Variants in USP8 observed in about 807,000 individuals in gnomAD.
USP8 encodes the protein ubiquitin specific peptidase 8.
In USP8, 27 loss-of-function variants were observed where a neutral mutation model predicts 130.0. The observed-to-expected ratio is 0.21, with a 90% CI of 0.15 to 0.29. The LOEUF is 0.29. USP8 is among the 10% of genes least tolerant of loss of function. The pLI, the probability that USP8 is intolerant of heterozygous loss-of-function variation, is 1.00. For missense variants in USP8, 1,029 were observed against 1,312.2 expected (o/e 0.78, Z 3.33); for synonymous variants, 392 against 444.1 (o/e 0.88, Z 1.48).
intron 3 of USP8, among the ~76,000 whole-genome samples, chr15:50,443,964 C>T (rs2050339371): frequency 6.6e-6 from 1 of 152,052 alleles, no homozygotes; most frequent in South Asian, 2.1e-4. Flanking sequence ...TTTGCACGCT[C>T]TGTGAAATAT....
At chr15:50,438,967 G>T in intron 1 of USP8, 42 bp from the exon 2 acceptor site, 1 of 811,276 alleles carries the variant, frequency 1.2e-6, no homozygotes, top group Non-Finnish European at 1.9e-6. Flanking sequence ...TTGTTTTATT[G>T]TGAATGAGGA....
In USP8 at chr15:50,508,060, ACT is replaced by A. The variant is rs1321248180; in HGVS notation, c.*8975_*8976del. On this transcript the variant is annotated 3_prime_UTR_variant, in exon 20 of 20. Coordinates refer to ENST00000307179, the MANE Select transcript of USP8 (RefSeq NM_005154.5). ...ACTCTAGCCCGGGCGACAGTGCAAG[ACT>A]CTGTCTCAAAAAAAAAAAAAAAAAA... 7.6e-5 allele frequency: 10 copies of A among 131,606 alleles called. No individual in the cohort carries two copies. The highest frequency in any genetic ancestry group is 1.2e-4 in the African/African-American group (4 of 32,974). The allele number at this position is 131,606 out of a possible 1,614,324, so 8.2% of individuals were successfully genotyped here.
intron 7 of USP8, among the ~76,000 whole-genome samples, chr15:50,471,008 A>G (rs1309363143): frequency 1.3e-5 from 2 of 152,328 alleles, no homozygotes; most frequent in East Asian, 3.9e-4. Context: ...AAGAACATGT[A>G]CATGAGCCAG....
chr15:50,445,305 G>A (rs1413620488), intron 3 of USP8, among the ~76,000 whole-genome samples: 1 of 151,590 alleles, frequency 6.6e-6, no homozygotes, highest in Admixed American at 6.6e-5. Flanking sequence ...CAGCACTTTG[G>A]GAGGCTGAGG....
rs1596004571 is a variant in USP8, at chr15:50,506,821, G to A, written c.*7733G>A. The stretch of plus-strand genomic sequence containing the variant: ...AAAATACAAAAAATTAGCCGGGCAT[G>A]GTGGCAGGCGCCTATAGTCCCAGCT... On this transcript the variant is annotated 3_prime_UTR_variant, in exon 20 of 20. Coordinates refer to ENST00000307179, the MANE Select transcript of USP8 (RefSeq NM_005154.5). 6.6e-6 allele frequency: 1 copy of A among 152,046 alleles called. No homozygotes were observed. Among genetic ancestry groups the A allele is most frequent in the Non-Finnish European group, 1.5e-5 (1 of 68,188 alleles). 9.4% of individuals were successfully genotyped at this position (152,046 alleles called of 1,614,324 possible). A position where few individuals can be genotyped will look rare whatever the true frequency, so the allele number is the denominator to read the frequency against.
rs71124355 is a variant in USP8 at position 50,453,860 on chromosome 15, C to CTTTTTTTT, written c.335+4390_335+4397dup. ...GTCCCTCTTTACCTCTGGGAATATTCTTTTTTTTTTTTTTTTTTTTTTGAG... is the reference window on the plus strand; with the variant it reads ...GTCCCTCTTTACCTCTGGGAATATTCTTTTTTTTTTTTTTTTTTTTTTTTTTTTTTGAG... On this transcript the variant is annotated intron_variant, in intron 4 of 19. Transcript: ENST00000307179. Among the ~76,000 whole-genome samples, 20 of 86,936 alleles carry CTTTTTTTT rather than the reference C, an allele frequency of 2.3e-4. 1 individual carries two copies. The highest frequency in any genetic ancestry group is 8.6e-4 in the South Asian group (2 of 2,322). The allele number at this position is 86,936 out of a possible 152,430, so 57.0% of individuals were successfully genotyped here.
In USP8 at chr15:50,496,545, G is replaced by A. The variant is rs182447769; in HGVS notation, c.2895+461G>A. Among the ~76,000 whole-genome samples the A allele has an allele frequency of 1.0e-3, 156 of 150,586 alleles. 3 individuals carry two copies. The East Asian group carries it at 0.029, about 28-fold the overall frequency. On this transcript the variant is annotated intron_variant, in intron 17 of 19. Coordinates refer to ENST00000307179, the MANE Select transcript of USP8 (RefSeq NM_005154.5). ...AATATAAATTCTGTTTTATAATTAG[G>A]CCTATGTAGATTAGAAAGAATTAGA...
intron 18 of USP8, among the ~76,000 whole-genome samples, chr15:50,498,112 C>G (rs1471120464): frequency 2.0e-5 from 3 of 152,066 alleles, no homozygotes; most frequent in African/African-American, 7.2e-5. Flanking sequence ...TTACACCAAC[C>G]AAGATATCAT....
chr15:50,463,585 A>T (rs955815123), intron 6 of USP8: 5 of 152,206 alleles, frequency 3.3e-5, no homozygotes, highest in Non-Finnish European at 7.3e-5. Flanking sequence ...GCTGTTACTG[A>T]TTCATTCCAA....
At chr15:50,450,954 A>G (rs1383516634) in intron 4 of USP8, among the ~76,000 whole-genome samples, 1 of 152,206 alleles carries the variant, frequency 6.6e-6, no homozygotes, top group Non-Finnish European at 1.5e-5. Flanking sequence ...TAAGTGATAC[A>G]AGGTGCCAAA....
rs572579546 is a variant in USP8 at position 50,490,721 on chromosome 15, A to G, written c.2234+196A>G. ...GGTTTTTCTCCCAAGTGCTCACTTA[A>G]TATCATACCAGAGAGGATTATTTTA... On this transcript the variant is annotated intron_variant, in intron 14 of 19. Transcript: ENST00000307179. Among the ~76,000 whole-genome samples, 15 of 152,292 alleles carry G rather than the reference A, an allele frequency of 9.8e-5. 1 individual carries two copies. The highest frequency in any genetic ancestry group is 6.5e-4 in the Admixed American group (10 of 15,292).
chr15:50,444,187 T>TCCACCTC (rs982996650), intron 3 of USP8, among the ~76,000 whole-genome samples: 2 of 140,146 alleles, frequency 1.4e-5, no homozygotes, highest in African/African-American at 5.2e-5. Context: ...CACTGCAACC[T>TCCACCTC]CCACCTCCCA....
Position 50,493,001 on chromosome 15 carries a change from T to C in USP8, c.2447+88T>C, listed in dbSNP as rs528332830. ...TCTTAGTCCATTAGTTTTCTGCTGC[T>C]ATAACAAAATACCTAAGACTAGATA... On this transcript the variant is annotated intron_variant, in intron 15 of 19. Coordinates refer to ENST00000307179, the MANE Select transcript of USP8 (RefSeq NM_005154.5). The C allele has an allele frequency of 2.4e-6, 3 of 1,243,242 alleles. No individual in the cohort carries two copies. In the South Asian group the frequency reaches 3.6e-5, roughly 15 times the overall value. 77.0% of individuals were successfully genotyped at this position (1,243,242 alleles called of 1,614,324 possible). A position where few individuals can be genotyped will look rare whatever the true frequency, so the allele number is the denominator to read the frequency against.
At chr15:50,493,166 C>G (rs1033024656) in intron 15 of USP8, 24 of 567,566 alleles carry the variant, frequency 4.2e-5, no homozygotes, top group African/African-American at 2.0e-4. Flanking sequence ...CTCGTCCTGT[C>G]GAGCCCTAAA....
intron 16 of USP8, among the ~76,000 whole-genome samples, chr15:50,495,015 T>C (rs904987028): frequency 6.8e-6 from 1 of 146,260 alleles, no homozygotes; most frequent in African/African-American, 2.5e-5. Context: ...TGAGACTCTT[T>C]CTAAAAAAAA....
At chr15:50,468,508 G>T (rs1468291202) in intron 7 of USP8, among the ~76,000 whole-genome samples, 1 of 152,134 alleles carries the variant, frequency 6.6e-6, no homozygotes, top group East Asian at 1.9e-4. Context: ...TTCCCAAAGT[G>T]CTGGGATTAC....
chr15:50,490,459 C>G lies in USP8; in HGVS notation c.2168C>G (p.Thr723Ser), dbSNP rs754964511. The G allele has an allele frequency of 1.9e-6, 3 of 1,614,122 alleles. No homozygotes were observed. In the South Asian group the frequency reaches 3.3e-5, roughly 18 times the overall value. ...LKRSYSSPDI[T>S]QAIQEEEKRK... ...CGCTCCTACTCCTCCCCAGATATAA[C>G]CCAGGCTATTCAAGAGGAAGAGAAG... The change falls in exon 14 of 20, where the codon ACC becomes AGC. Residue 723 changes from threonine (T) to serine (S), a missense_variant. By Grantham distance (58) the Thr-to-Ser change is moderately conservative (BLOSUM62 1). Around this residue, in one of 4 missense-constraint regions of USP8, gnomAD observed 486 missense variants for 522.0 expected, o/e 0.93. Transcript: ENST00000307179.
At chr15:50,454,007 C>T (rs544247325) in intron 4 of USP8, among the ~76,000 whole-genome samples, 5 of 151,792 alleles carry the variant, frequency 3.3e-5, no homozygotes, top group East Asian at 1.9e-4. Flanking sequence ...GGACTACAGG[C>T]GCACACCACC....
Position 50,511,553 on chromosome 15 carries a change from G to T in USP8, c.*12465G>T, listed in dbSNP as rs1346064511. On this transcript the variant is annotated 3_prime_UTR_variant, in exon 20 of 20. Coordinates refer to ENST00000307179, the MANE Select transcript of USP8 (RefSeq NM_005154.5). ...ATCACTGGATGGATTAAGGAAATGT[G>T]GTATATCCTATACAATGGAATATTA... is the stretch of plus-strand genomic sequence containing the variant. 1 of 152,026 alleles carries T rather than the reference G, an allele frequency of 6.6e-6. No individual in the cohort carries two copies. Among genetic ancestry groups the T allele is most frequent in the East Asian group, 1.9e-4 (1 of 5,194 alleles). The allele number at this position is 152,026 out of a possible 1,614,324, so 9.4% of individuals were successfully genotyped here. A position where few individuals can be genotyped will look rare whatever the true frequency, so the allele number is the denominator to read the frequency against.
Sources: gnomAD v4.1 joint callset for allele counts (sites outside exome capture counted in the v4.1 genomes callset) on GRCh38, gnomAD v4.1.1 for gene constraint, gnomAD v4.1.1 regional missense constraint, MANE v1.5 for transcripts, NCBI Gene and HGNC (gene_info 2026-07-23, HGNC 2026-07-21) for gene names.